Variants in GRHL1 observed in about 807,000 individuals in gnomAD.
The protein encoded by GRHL1 is grainyhead-like protein 1 homolog.
Under a neutral mutation model 75.7 loss-of-function variants are expected in GRHL1, and 38 were observed. The ratio of observed to expected loss-of-function variants is 0.50; its 90% CI spans 0.39 to 0.66. The LOEUF (loss-of-function observed/expected upper bound fraction) is 0.66. Ranked by LOEUF, GRHL1 falls within the 30% of genes least tolerant of loss-of-function variation. The pLI, the probability that GRHL1 is intolerant of heterozygous loss-of-function variation, is 0.00. For synonymous variants in GRHL1, 266 were observed against 279.4 expected (o/e 0.95, Z 0.48); for missense variants, 589 against 767.5 (o/e 0.77, Z 2.75).
rs569018271 is a variant in GRHL1 at position 9,956,363 on chromosome 2, A to T, written c.207+1262A>T. 1.7e-3 allele frequency among the ~76,000 whole-genome samples: 260 copies of T among 152,276 alleles called. 2 individuals are homozygous for T. The highest frequency in any genetic ancestry group is 2.7e-3 in the Non-Finnish European group (186 of 68,034). ...TCTCTACCAAAAATAAATAAATAAA[A>T]AAATACAGAAATTAGCCGGTTAGTA... On this transcript the variant is annotated intron_variant, in intron 2 of 15. Transcript: ENST00000324907.
chr2:9,958,889 C>T, intron 3 of GRHL1, 33 bp downstream of exon 3: 1 of 1,605,866 alleles, frequency 6.2e-7, no homozygotes, highest in Non-Finnish European at 8.5e-7. Flanking sequence ...ATAAAGAGTG[C>T]AGGGGGAAAT....
Position 10,001,708 on chromosome 2 carries a change from A to G in GRHL1, c.*1001A>G, listed in dbSNP as rs1669274979. ...TTAACAAATGAAGTAAAAGAAAAACACTACTGCAATCACGTCTTTTGTTAT... is the reference window on the plus strand; with the variant it reads ...TTAACAAATGAAGTAAAAGAAAAACGCTACTGCAATCACGTCTTTTGTTAT... On this transcript the variant is annotated 3_prime_UTR_variant, in exon 16 of 16. Coordinates refer to ENST00000324907, the MANE Select transcript of GRHL1 (RefSeq NM_198182.3). 1 of 152,290 alleles carries G rather than the reference A, an allele frequency of 6.6e-6. No homozygotes were observed. 9.4% of individuals were successfully genotyped at this position (152,290 alleles called of 1,614,324 possible). A position where few individuals can be genotyped will look rare whatever the true frequency, so the allele number is the denominator to read the frequency against.
At position 9,961,208 on chromosome 2, in the gene GRHL1, C is replaced by A. The variant is rs778188592; in HGVS notation, c.441C>A (p.Val147=). The part of the protein sequence containing the change: ...HLTAPDTTVT[V]SIATMPTHSI... ...CAGCTCCAGATACGACAGTCACTGT[C>A]TCCATAGCAACGATGCCTACCCACT... Residue 147 remains valine, a synonymous_variant, in exon 4 of 16, where the codon GTC becomes GTA. Transcript: ENST00000324907. 10 of 1,614,102 alleles carry A rather than the reference C, an allele frequency of 6.2e-6. No homozygotes were observed. In the South Asian group the frequency reaches 1.1e-4, roughly 18 times the overall value.
intron 3 of GRHL1, 72 bp from the exon 4 acceptor site, chr2:9,960,974 C>A: frequency 8.2e-7 from 1 of 1,222,622 alleles, no homozygotes; most frequent in Non-Finnish European, 1.1e-6. Context: ...CAGCCCAATG[C>A]CATTAGGAAA....
chr2:9,998,635 TATATGTAC>T (rs1380097651), intron 14 of GRHL1, among the ~76,000 whole-genome samples: 713 of 61,244 alleles, frequency 0.012, 188 homozygotes, highest in Non-Finnish European at 0.016. Flanking sequence ...CATATACATA[TATATGTAC>T]ACATATACAT....
intron 2 of GRHL1, among the ~76,000 whole-genome samples, chr2:9,955,923 G>A (rs1261711805): frequency 1.3e-5 from 2 of 152,218 alleles, no homozygotes; most frequent in African/African-American, 4.8e-5. Flanking sequence ...ACTTAAAACA[G>A]CAGACTGAGT....
rs1375843977 is a variant in GRHL1 at position 9,990,232 on chromosome 2, T to A, written c.1270-464T>A. The stretch of plus-strand genomic sequence containing the variant: ...GGTGTGATCTCAGCTCACTGCAACC[T>A]CCACCTCTCAGGGGTTCAAGCAGTT... On this transcript the variant is annotated intron_variant, in intron 9 of 15. Coordinates refer to ENST00000324907, the MANE Select transcript of GRHL1 (RefSeq NM_198182.3). This position sits in a 1 kb window ranked among gnomAD's most constrained non-coding sequence, Gnocchi z 4.2. 1.3e-5 allele frequency among the ~76,000 whole-genome samples: 2 copies of A among 151,856 alleles called. No individual in the cohort carries two copies. The highest frequency in any genetic ancestry group is 2.9e-5 in the Non-Finnish European group (2 of 67,990).
At chr2:9,985,065 C>CAA (rs3032357) in intron 8 of GRHL1, among the ~76,000 whole-genome samples, 7 of 122,510 alleles carry the variant, frequency 5.7e-5, no homozygotes, top group African/African-American at 8.7e-5. Context: ...CAGACTGTCT[C>CAA]AAAAAAAAAA....
At chr2:9,980,907 G>A (rs1572368897) in intron 8 of GRHL1, among the ~76,000 whole-genome samples, 2 of 152,318 alleles carry the variant, frequency 1.3e-5, no homozygotes, top group African/African-American at 4.8e-5. Flanking sequence ...AAAGATAGTG[G>A]AGTGTTTTCT....
At chr2:9,989,842 G>A (rs1451418799) in intron 9 of GRHL1, among the ~76,000 whole-genome samples, 4 of 151,708 alleles carry the variant, frequency 2.6e-5, no homozygotes, top group Admixed American at 6.6e-5. Flanking sequence ...GAGCCACCGC[G>A]CCCAGCCCAC....
chr2:9,980,236 A>T (rs1021000936), intron 8 of GRHL1, among the ~76,000 whole-genome samples: 9 of 151,736 alleles, frequency 5.9e-5, no homozygotes, highest in Admixed American at 4.6e-4. Flanking sequence ...AGGTGTGAAC[A>T]GCGCTTATGT....
In GRHL1 at chr2:9,987,719, G is replaced by A. The variant is rs1261788519; in HGVS notation, c.1269+1437G>A. ...CAGTGCAGAGCCAGGGGCTGAGCTGGATTCAATGCAGGGAGAGTCTGGAAG... is the reference window on the plus strand; with the variant it reads ...CAGTGCAGAGCCAGGGGCTGAGCTGAATTCAATGCAGGGAGAGTCTGGAAG... On this transcript the variant is annotated intron_variant, in intron 9 of 15. Coordinates refer to ENST00000324907, the MANE Select transcript of GRHL1 (RefSeq NM_198182.3). This position sits in a 1 kb window ranked among gnomAD's most constrained non-coding sequence, Gnocchi z 4.2. Among the ~76,000 whole-genome samples, 2 of 152,192 alleles carry A rather than the reference G, an allele frequency of 1.3e-5. No homozygotes were observed. The highest frequency in any genetic ancestry group is 3.9e-4 in the East Asian group (2 of 5,194).
In GRHL1 at chr2:9,992,008, T is replaced by C; in HGVS notation, c.1323T>C (p.Val441=). ...TTTTTTAATTTTTTTTTTTTTCAGT[T>C]TCTGATGTTAAAGTGCCACTGCTTC... ...DEERKQSKRK[V]SDVKVPLLPS... is the part of the protein sequence containing the mutation. Residue 441 remains valine (V), a splice_region_variant and synonymous_variant, in exon 11 of 16, where the codon GTT becomes GTC. Coordinates refer to ENST00000324907, the MANE Select transcript of GRHL1 (RefSeq NM_198182.3). This position sits in a 1 kb window ranked among gnomAD's most constrained non-coding sequence, Gnocchi z 4.6. The C allele has an allele frequency of 1.3e-6, 2 of 1,576,784 alleles. No individual in the cohort carries two copies. The highest frequency in any genetic ancestry group is 1.7e-6 in the Non-Finnish European group (2 of 1,160,690).
Position 9,979,169 on chromosome 2 carries a change from G to GAAAAAAAAAAAAAA in GRHL1, c.1111-6952_1111-6951insAAAAAAAAAAAAAA, listed in dbSNP as rs1313941842. ...TCTCTCTCAAAAAAAAAAAAAAAAG[G>GAAAAAAAAAAAAAA]AAACCTTATCCAAACTGTCATAAAG... On this transcript the variant is annotated intron_variant, in intron 8 of 15. Transcript: ENST00000324907. 4.9e-4 allele frequency among the ~76,000 whole-genome samples: 37 copies of GAAAAAAAAAAAAAA among 74,834 alleles called. 1 individual carries two copies. The highest frequency in any genetic ancestry group is 7.9e-3 in the Middle Eastern group (1 of 126). The allele number at this position is 74,834 out of a possible 152,430, so 49.1% of individuals were successfully genotyped here. A position where few individuals can be genotyped will look rare whatever the true frequency, so the allele number is the denominator to read the frequency against.
rs1482961405 is a variant in GRHL1 at position 9,995,272 on chromosome 2, C to A, written c.1500-607C>A. ...TGTACAAGGTTATCTCAGATCCTGC[C>A]TCCTCCATAGAGTGTTTCCTGAAAA... On this transcript the variant is annotated intron_variant, in intron 12 of 15. Transcript: ENST00000324907. 4 of 152,308 alleles carry A rather than the reference C, an allele frequency of 2.6e-5. No homozygotes were observed. In the East Asian group the frequency reaches 7.7e-4, roughly 29 times the overall value. The allele number at this position is 152,308 out of a possible 1,614,324, so 9.4% of individuals were successfully genotyped here.
rs575567306 is a variant in GRHL1 at position 9,954,404 on chromosome 2, C to T, written c.21-511C>T. Among the ~76,000 whole-genome samples the T allele has an allele frequency of 2.6e-5, 4 of 152,238 alleles. No homozygotes were observed. The East Asian group carries it at 7.7e-4, about 29-fold the overall frequency. ...CCCTGGAGGATTGCGTGAAGGATCC[C>T]TTTTTCTTTCTGCTGCTTCTCCCCT... On this transcript the variant is annotated intron_variant, in intron 1 of 15. Transcript: ENST00000324907.
At chr2:9,986,700 G>A (rs952863534) in intron 9 of GRHL1, among the ~76,000 whole-genome samples, 1 of 152,016 alleles carries the variant, frequency 6.6e-6, no homozygotes, top group Non-Finnish European at 1.5e-5. Flanking sequence ...TTACAGGTGT[G>A]AGCCACCGCG....
At chr2:9,974,837 G>A (rs1667881540) in intron 8 of GRHL1, among the ~76,000 whole-genome samples, 1 of 152,190 alleles carries the variant, frequency 6.6e-6, no homozygotes, top group African/African-American at 2.4e-5. Flanking sequence ...AGAGGAATAA[G>A]AAAATGACTG....
intron 2 of GRHL1, 138 bp downstream of exon 2, chr2:9,955,239 G>A (rs1044594009): frequency 1.8e-5 from 11 of 616,888 alleles, no homozygotes; most frequent in Middle Eastern, 8.6e-4. Context: ...TGAGTACTTT[G>A]ACTTACTGTG....
Sources: allele counts gnomAD v4.1 joint callset (sites outside exome capture counted in the v4.1 genomes callset), GRCh38; gene constraint gnomAD v4.1.1; non-coding constraint Gnocchi (gnomAD v3.1); transcripts MANE v1.5; gene names NCBI Gene and HGNC (gene_info 2026-07-23, HGNC 2026-07-21).